Variants in GMEB1 observed in about 807,000 individuals in gnomAD.
GMEB1 encodes glucocorticoid modulatory element binding protein 1, also known as glucocorticoid modulatory element-binding protein 1.
Under a neutral mutation model 52.4 loss-of-function variants are expected in GMEB1, and 6 were observed. That is an observed-to-expected ratio of 0.11 (90% confidence interval 0.06 to 0.23). The LOEUF (loss-of-function observed/expected upper bound fraction) is 0.23, where lower values mean the gene tolerates loss of function less well. Among genes scored for constraint, GMEB1 ranks in the 10% least tolerant of loss-of-function variants. GMEB1 has a pLI of 1.00. For missense variants in GMEB1, 486 were observed against 685.6 expected (o/e 0.71, Z 3.25); for synonymous variants, 255 against 244.9 (o/e 1.04, Z -0.38).
At chr1:28,691,555 A>AT in intron 3 of GMEB1, 30 bp from the exon 4 acceptor site, 1 of 1,477,028 alleles carries the variant, frequency 6.8e-7, no homozygotes, top group Non-Finnish European at 9.2e-7. Context: ...GAGTTGTTTG[A>AT]TAAATAACTG....
At chr1:28,687,029 G>A (rs893042642) in intron 2 of GMEB1, among the ~76,000 whole-genome samples, 1 of 151,880 alleles carries the variant, frequency 6.6e-6, no homozygotes, top group African/African-American at 2.4e-5. Context: ...GCATCCTAGA[G>A]GCTACTTATT....
intron 2 of GMEB1, chr1:28,689,866 C>T: frequency 2.6e-6 from 1 of 385,472 alleles, no homozygotes; most frequent in Non-Finnish European, 4.6e-6. Context: ...AAATAAGTAG[C>T]AAAAATTACT....
At chr1:28,690,666 G>A (rs1669919340) in intron 3 of GMEB1, among the ~76,000 whole-genome samples, 3 of 152,048 alleles carry the variant, frequency 2.0e-5, no homozygotes, top group Admixed American at 6.6e-5. Flanking sequence ...TAACACCTAG[G>A]AAACAATTAA....
chr1:28,704,367 G>T, intron 8 of GMEB1, 38 bp downstream of exon 8: 1 of 1,575,246 alleles, frequency 6.3e-7, no homozygotes, highest in South Asian at 1.2e-5. Context: ...GTGATTTATT[G>T]AATACTCACC....
At chr1:28,687,364 ACACACACAC>A (rs1557504093) in intron 2 of GMEB1, among the ~76,000 whole-genome samples, 5 of 56,880 alleles carry the variant, frequency 8.8e-5, no homozygotes, top group East Asian at 7.4e-4. Flanking sequence ...ACACACACAC[ACACACACAC>A]ACACACACAC....
chr1:28,713,005 A>AC (rs1229888750), intron 9 of GMEB1, among the ~76,000 whole-genome samples: 1 of 150,162 alleles, frequency 6.7e-6, no homozygotes, highest in African/African-American at 2.5e-5. Flanking sequence ...CAAAAAAAAA[A>AC]ACATTAGCCA....
At chr1:28,695,888 G>C (rs986786445) in intron 5 of GMEB1, among the ~76,000 whole-genome samples, 2 of 107,118 alleles carry the variant, frequency 1.9e-5, no homozygotes, top group Non-Finnish European at 3.4e-5. Context: ...GCAGTGAGCC[G>C]AGATCCCGCC....
chr1:28,678,546 T>C (rs569777713), intron 1 of GMEB1, among the ~76,000 whole-genome samples: 162 of 152,244 alleles, frequency 1.1e-3, no homozygotes, highest in African/African-American at 3.8e-3. Context: ...CCTGAGCTCA[T>C]GATCCGCCTG....
intron 2 of GMEB1, among the ~76,000 whole-genome samples, chr1:28,685,710 C>T (rs1257880123): frequency 2.6e-5 from 4 of 152,142 alleles, no homozygotes; most frequent in Non-Finnish European, 2.9e-5. Context: ...CCTGTAATCT[C>T]AGTACTTTGG....
chr1:28,669,448 TAC>T (rs775112244), intron 1 of GMEB1, among the ~76,000 whole-genome samples: 35 of 151,452 alleles, frequency 2.3e-4, no homozygotes, highest in Non-Finnish European at 4.6e-4. Context: ...AGAGCAAGAG[TAC>T]AGAGTGGGTT....
At chr1:28,701,484 G>A (rs981598655) in intron 6 of GMEB1, among the ~76,000 whole-genome samples, 3 of 151,940 alleles carry the variant, frequency 2.0e-5, no homozygotes, top group African/African-American at 2.4e-5. Context: ...TAACCAGGAT[G>A]GTCTCGATCT....
intron 8 of GMEB1, among the ~76,000 whole-genome samples, chr1:28,708,582 CT>C (rs1260999797): frequency 6.6e-6 from 1 of 152,154 alleles, no homozygotes; most frequent in East Asian, 1.9e-4. Flanking sequence ...CTGCTTCAGC[CT>C]CCCAAGTTGC....
chr1:28,714,620 G>A lies in GMEB1; in HGVS notation c.1539G>A (p.Glu513=). The change falls in exon 10 of 10, where the codon GAG becomes GAA. Residue 513 remains glutamate (E), a synonymous_variant. Coordinates refer to ENST00000373816, the MANE Select transcript of GMEB1 (RefSeq NM_001319674.2). The part of the protein sequence containing the change: ...STSEDGQTII[E]IDPAPDPEAE... Reference sequence around the variant, plus strand: ...CAGAGGATGGGCAGACCATCATTGAGATTGATCCAGCCCCGGACCCAGAAG... The same window carrying A: ...CAGAGGATGGGCAGACCATCATTGAAATTGATCCAGCCCCGGACCCAGAAG... 1 of 1,614,160 alleles carries A rather than the reference G, an allele frequency of 6.2e-7. No homozygotes were observed. The highest frequency in any genetic ancestry group is 8.5e-7 in the Non-Finnish European group (1 of 1,180,034).
intron 1 of GMEB1, among the ~76,000 whole-genome samples, chr1:28,675,037 A>G (rs1669085882): frequency 2.6e-5 from 2 of 76,010 alleles, no homozygotes; most frequent in South Asian, 4.2e-4. Context: ...TTTTTTTTTG[A>G]GACGGAGTCT....
intron 1 of GMEB1, among the ~76,000 whole-genome samples, chr1:28,670,972 C>T (rs1253453701): frequency 1.3e-5 from 2 of 152,088 alleles, no homozygotes; most frequent in African/African-American, 2.4e-5. Context: ...CAAAGTCCAC[C>T]GGACTGTAGC....
chr1:28,677,985 A>G (rs1188763118), intron 1 of GMEB1, among the ~76,000 whole-genome samples: 1 of 151,976 alleles, frequency 6.6e-6, no homozygotes, highest in Non-Finnish European at 1.5e-5. Context: ...GGAGTTTGAG[A>G]CCAGCCTGGC....
At chr1:28,708,198 T>A (rs1670870219) in intron 8 of GMEB1, among the ~76,000 whole-genome samples, 1 of 149,340 alleles carries the variant, frequency 6.7e-6, no homozygotes, top group Non-Finnish European at 1.5e-5. Flanking sequence ...CACACCTCGC[T>A]CTATCACCCA....
chr1:28,707,359 G>C (rs549690900), intron 8 of GMEB1, among the ~76,000 whole-genome samples: 5 of 152,048 alleles, frequency 3.3e-5, no homozygotes, highest in African/African-American at 9.7e-5. Flanking sequence ...TGTGTGGAGA[G>C]TAGACTCTTA....
rs765156729 is a variant in GMEB1 at position 28,693,055 on chromosome 1, A to G, written c.440+10A>G. ...GTGGGATCATGCTCAGGTAAGCTCT[A>G]ATGTCAAGCACATACCTTTCAACAA... On this transcript the variant is annotated intron_variant, in intron 5 of 9. Coordinates refer to ENST00000373816, the MANE Select transcript of GMEB1 (RefSeq NM_001319674.2). The G allele has an allele frequency of 4.8e-6, 7 of 1,464,914 alleles. No homozygotes were observed. Among genetic ancestry groups the G allele is most frequent in the South Asian group, 1.2e-5 (1 of 83,826 alleles). 90.7% of individuals were successfully genotyped at this position (1,464,914 alleles called of 1,614,324 possible).
Sources: gnomAD v4.1 joint callset for allele counts (sites outside exome capture counted in the v4.1 genomes callset) on GRCh38, gnomAD v4.1.1 for gene constraint, MANE v1.5 for transcripts, NCBI Gene and HGNC (gene_info 2026-07-23, HGNC 2026-07-21) for gene names.